Variants in DNAH17 observed in about 807,000 individuals in gnomAD.
DNAH17 encodes axonemal beta dynein heavy chain 17.
A neutral mutation model predicts 485.6 loss-of-function variants in DNAH17; 376 were observed. The ratio of observed to expected loss-of-function variants is 0.77; its 90% CI spans 0.71 to 0.84. DNAH17 has a LOEUF of 0.84. Among genes scored for constraint, DNAH17 ranks in the 40% least tolerant of loss-of-function variants. The pLI is 0.00. For missense variants in DNAH17, 6,370 were observed against 5,839.3 expected (o/e 1.09, Z -2.96); for synonymous variants, 3,031 against 2,405.9 (o/e 1.26, Z -7.60).
rs1366040479 is a variant in DNAH17, at chr17:78,507,723, T to C, written c.4319A>G (p.Lys1440Arg). 1 of 1,606,422 alleles carries C rather than the reference T, an allele frequency of 6.2e-7. No homozygotes were observed. Among genetic ancestry groups the C allele is most frequent in the South Asian group, 1.1e-5 (1 of 90,848 alleles). The change falls in exon 28 of 81, where the codon AAG becomes AGG. Residue 1440 changes from lysine (K) to arginine (R), a missense_variant. Coordinates refer to ENST00000389840, the MANE Select transcript of DNAH17 (RefSeq NM_173628.4). ...CGTCTCCACCAGCACCTCGCTGGAC[T>C]TGAGCATCATGGTGCCTGTCCGCGG... The part of the protein sequence containing the change: ...PHPRTGTMML[K>R]SSEVLVETLE...
At chr17:78,543,678 G>A in intron 17 of DNAH17, 179 bp downstream of exon 17, 1 of 895,446 alleles carries the variant, frequency 1.1e-6, no homozygotes. Context: ...GCCCGACTCA[G>A]CCTCCCAGAG....
At chr17:78,532,440 ACT>A in intron 20 of DNAH17, 40 bp downstream of exon 20, 4 of 1,571,380 alleles carry the variant, frequency 2.5e-6, no homozygotes, top group Non-Finnish European at 2.6e-6. Context: ...CTCCTGGAAG[ACT>A]CTGGAGACAA....
rs570007576 is a variant in DNAH17 at position 78,560,435 on chromosome 17, C to G, written c.2031+305G>C. 2.6e-5 allele frequency among the ~76,000 whole-genome samples: 4 copies of G among 152,220 alleles called. No individual in the cohort carries two copies. In the East Asian group the frequency reaches 7.7e-4, roughly 29 times the overall value. On this transcript the variant is annotated intron_variant, in intron 13 of 80. Coordinates refer to ENST00000389840, the MANE Select transcript of DNAH17 (RefSeq NM_173628.4). ...GTGTGAATTCTCCCCAGTGTGCCTGCCTTGACCAGCCAGTGCATTTATCTA... is the reference window on the plus strand; with the variant it reads ...GTGTGAATTCTCCCCAGTGTGCCTGGCTTGACCAGCCAGTGCATTTATCTA...
intron 80 of DNAH17, 133 bp downstream of exon 80, chr17:78,425,213 C>T (rs2086386389): frequency 1.2e-6 from 1 of 857,618 alleles, no homozygotes; most frequent in Middle Eastern, 2.5e-4. Context: ...CTGATGCCCC[C>T]TGAGAGCACC....
At chr17:78,452,287 T>C (rs1267141579) in intron 65 of DNAH17, among the ~76,000 whole-genome samples, 1 of 152,176 alleles carries the variant, frequency 6.6e-6, no homozygotes, top group Admixed American at 6.5e-5. Flanking sequence ...TTAAAGTAGA[T>C]TTAATTTTTT....
In DNAH17 at chr17:78,551,598, G is replaced by A. The variant is rs369364332; in HGVS notation, c.2328C>T (p.His776=). ...CCTTTTGCATCCTGTTCTGCAAGTT[G>A]TGCAGAATTTCTCGCACCTCTTGAA... ...QYIQEVREIL[H]NLQNRMQKAK... The change falls in exon 16 of 81, where the codon CAC becomes CAT. Residue 776 remains histidine, a synonymous_variant. Coordinates refer to ENST00000389840, the MANE Select transcript of DNAH17 (RefSeq NM_173628.4). The A allele has an allele frequency of 6.6e-5, 107 of 1,614,018 alleles. No homozygotes were observed. The African/African-American group carries it at 1.2e-3, about 18-fold the overall frequency.
chr17:78,497,600 C>A (rs2090120536), intron 37 of DNAH17, among the ~76,000 whole-genome samples: 1 of 152,214 alleles, frequency 6.6e-6, no homozygotes, highest in African/African-American at 2.4e-5. Flanking sequence ...GGAGAGGGTC[C>A]CCACGGTAAC....
In DNAH17 at chr17:78,423,791, T is replaced by G. The variant is rs531093474; in HGVS notation, c.*115A>C. On this transcript the variant is annotated 3_prime_UTR_variant, in exon 81 of 81. Transcript: ENST00000389840. Reference sequence around the variant, plus strand: ...GCTTGGTTACAAAGCACCTGATTATTTAAGAGAACGAAAAACCACCACCAG... The same window carrying G: ...GCTTGGTTACAAAGCACCTGATTATGTAAGAGAACGAAAAACCACCACCAG... The G allele has an allele frequency of 3.6e-6, 5 of 1,372,576 alleles. No individual in the cohort carries two copies. In the South Asian group the frequency reaches 6.6e-5, roughly 18 times the overall value. The allele number at this position is 1,372,576 out of a possible 1,614,324, so 85.0% of individuals were successfully genotyped here. A position where few individuals can be genotyped will look rare whatever the true frequency, so the allele number is the denominator to read the frequency against.
rs1243818240 is a variant in DNAH17 at position 78,525,123 on chromosome 17, C to T, written c.3750G>A (p.Glu1250=). The change falls in exon 25 of 81, where the codon GAG becomes GAA. Residue 1250 remains glutamate, a synonymous_variant. Coordinates refer to ENST00000389840, the MANE Select transcript of DNAH17 (RefSeq NM_173628.4). Reference sequence around the variant, plus strand: ...ACAGGCCCCCGGACTTGGACAGCGCCTCCATGATGCCTTCCATGGCGGAGA... The same window carrying T: ...ACAGGCCCCCGGACTTGGACAGCGCTTCCATGATGCCTTCCATGGCGGAGA... ...KSISAMEGIM[E]ALSKSGGLFE... 1.2e-6 allele frequency: 2 copies of T among 1,613,624 alleles called. No individual in the cohort carries two copies. Among genetic ancestry groups the T allele is most frequent in the African/African-American group, 2.7e-5 (2 of 74,950 alleles).
chr17:78,566,628 T>C lies in DNAH17; in HGVS notation c.1555A>G (p.Lys519Glu), dbSNP rs747586274. The C allele has an allele frequency of 1.5e-5, 24 of 1,607,210 alleles. 1 individual carries two copies. In the South Asian group the frequency reaches 2.2e-4, roughly 15 times the overall value. ...TGCATGCTTACCTTTGCGGAGGACT[T>C]GATACAGCTGCAGTCATCAAATCCT... ...CQGFDDCSCI[K>E]SSAKLLYMCG... is the part of the protein sequence containing the mutation. The change falls in exon 11 of 81, where the codon AAG (lysine) becomes GAG (glutamate). Residue 519 changes from lysine (K) to glutamate (E), a missense_variant. By Grantham distance (56) the Lys-to-Glu change is moderately conservative (BLOSUM62 1). Transcript: ENST00000389840.
chr17:78,543,844 G>A lies in DNAH17; in HGVS notation c.2532+13C>T, dbSNP rs998425254. The A allele has an allele frequency of 3.1e-6, 5 of 1,613,946 alleles. No homozygotes were observed. The highest frequency in any genetic ancestry group is 1.7e-5 in the Admixed American group (1 of 60,020). On this transcript the variant is annotated intron_variant, in intron 17 of 80. Transcript: ENST00000389840. The stretch of plus-strand genomic sequence containing the variant: ...AAGTGGGTTCTCAAAAAACCTCCTG[G>A]GTGTTTCCTTACTGCAACCATGGCT...
intron 77 of DNAH17, among the ~76,000 whole-genome samples, chr17:78,427,388 A>T (rs1279380700): frequency 6.6e-6 from 1 of 152,202 alleles, no homozygotes; most frequent in African/African-American, 2.4e-5. Flanking sequence ...TCATTTGTTC[A>T]TTCCCACGCA....
chr17:78,452,006 C>T (rs11077368), intron 65 of DNAH17, among the ~76,000 whole-genome samples: 12,251 of 151,732 alleles, frequency 0.081, 872 homozygotes, highest in African/African-American at 0.19. Flanking sequence ...TTACAACATT[C>T]GTCCATTCTG....
chr17:78,542,557 C>G (rs939314001), intron 17 of DNAH17, among the ~76,000 whole-genome samples: 1 of 152,294 alleles, frequency 6.6e-6, no homozygotes, highest in East Asian at 1.9e-4. Context: ...AAATTACTAC[C>G]AAGTGAGGAG....
chr17:78,504,309 C>T (rs1294253042), intron 31 of DNAH17, among the ~76,000 whole-genome samples: 2 of 152,138 alleles, frequency 1.3e-5, no homozygotes, highest in African/African-American at 4.8e-5. Context: ...AGATGATCCG[C>T]CCACCTCGAC....
rs372258678 is a variant in DNAH17 at position 78,497,699 on chromosome 17, G to A, written c.5745+1309C>T. Among the ~76,000 whole-genome samples the A allele has an allele frequency of 1.1e-3, 161 of 152,310 alleles. 1 individual carries two copies. Among genetic ancestry groups the A allele is most frequent in the African/African-American group, 3.7e-3 (152 of 41,574 alleles). ...CTGGGGAATGACTGAGGCAGAGGGA[G>A]CATAAGGAGAGGAGGAAGCAGCCAC... is the stretch of plus-strand genomic sequence containing the variant. On this transcript the variant is annotated intron_variant, in intron 37 of 80. Transcript: ENST00000389840.
At chr17:78,497,197 GA>G (rs1219487978) in intron 37 of DNAH17, among the ~76,000 whole-genome samples, 1 of 152,180 alleles carries the variant, frequency 6.6e-6, no homozygotes, top group Non-Finnish European at 1.5e-5. Context: ...GTTAAACCTA[GA>G]GCATCAGGGG....
rs769945119 is a variant in DNAH17, at chr17:78,570,321, T to C, written c.970A>G (p.Thr324Ala). ...VLDTICFIWA[T>A]SEYYNTPARI... ...GCAGGTGTGTTATAGTACTCAGAGG[T>C]GGCCCAGATGAAGCAGATGGTGTCC... The change falls in exon 7 of 81, where the codon ACC becomes GCC. Residue 324 changes from threonine to alanine, a missense_variant. Thr to Ala is a moderately conservative substitution (Grantham distance 58). Coordinates refer to ENST00000389840, the MANE Select transcript of DNAH17 (RefSeq NM_173628.4). 5.0e-6 allele frequency: 8 copies of C among 1,607,232 alleles called. No individual in the cohort carries two copies. In the East Asian group the frequency reaches 1.8e-4, roughly 36 times the overall value.
intron 16 of DNAH17, among the ~76,000 whole-genome samples, chr17:78,546,309 T>C (rs911158809): frequency 6.6e-6 from 1 of 152,250 alleles, no homozygotes; most frequent in East Asian, 1.9e-4. Context: ...AATCATTTTA[T>C]CTTCAACCTT....
Sources: allele counts gnomAD v4.1 joint callset (sites outside exome capture counted in the v4.1 genomes callset), GRCh38; gene constraint gnomAD v4.1.1; transcripts MANE v1.5; gene names NCBI Gene and HGNC (gene_info 2026-07-23, HGNC 2026-07-21).